Variants in MICAL3 observed in about 807,000 individuals in gnomAD.
MICAL3 encodes microtubule associated monooxygenase, calponin and LIM domain containing 3, also known as [F-actin]-monooxygenase MICAL3.
MICAL3 carries 62 observed loss-of-function variants against 207.4 expected under a neutral mutation model. That is an observed-to-expected ratio of 0.30 (90% confidence interval 0.24 to 0.37). The LOEUF is 0.37. Ranked by LOEUF, MICAL3 falls within the 10% of genes least tolerant of loss-of-function variation. MICAL3 has a pLI of 1.00. For missense variants in MICAL3, 2,368 were observed against 2,635.6 expected, an observed-to-expected ratio of 0.90 and a Z score of 2.22; for synonymous variants, 1,077 against 1,069.3, an observed-to-expected ratio of 1.01 and a Z score of -0.14.
At chr22:17,888,913 T>A in intron 13 of MICAL3, 121 bp downstream of exon 13, 1 of 641,288 alleles carries the variant, frequency 1.6e-6, no homozygotes, top group East Asian at 2.9e-5. Flanking sequence ...AGCTAACTGG[T>A]AAAAACACAG....
chr22:17,871,246 C>A (rs764750847), intron 17 of MICAL3, among the ~76,000 whole-genome samples: 19 of 152,208 alleles, frequency 1.2e-4, no homozygotes, highest in Non-Finnish European at 1.5e-4. Context: ...GGTCTTTTCA[C>A]TGTAAAAACT....
At chr22:17,916,838 A>T (rs1301141615) in intron 1 of MICAL3, among the ~76,000 whole-genome samples, 1 of 152,076 alleles carries the variant, frequency 6.6e-6, no homozygotes. Context: ...TTGAAACTAC[A>T]TCTCCTTCTA....
At chr22:17,830,953 G>A (rs1017873434) in intron 21 of MICAL3, among the ~76,000 whole-genome samples, 6 of 152,192 alleles carry the variant, frequency 3.9e-5, no homozygotes, top group African/African-American at 9.6e-5. Context: ...GTGTGCCAGA[G>A]AAAACAGACC....
intron 1 of MICAL3, among the ~76,000 whole-genome samples, chr22:17,969,330 C>T (rs1346871068): frequency 6.6e-6 from 1 of 152,236 alleles, no homozygotes; most frequent in Non-Finnish European, 1.5e-5. Flanking sequence ...TGAGCCACTG[C>T]ACCCGGCCAA....
intron 1 of MICAL3, among the ~76,000 whole-genome samples, chr22:17,977,477 G>T (rs1387304457): frequency 2.6e-5 from 4 of 151,566 alleles, no homozygotes; most frequent in African/African-American, 9.7e-5. Flanking sequence ...AACCATTAGG[G>T]AAATGCAAAT....
intron 1 of MICAL3, among the ~76,000 whole-genome samples, chr22:17,997,464 T>A (rs1457002121): frequency 2.0e-5 from 3 of 152,332 alleles, no homozygotes; most frequent in Non-Finnish European, 2.9e-5. Flanking sequence ...GCTAGATGAA[T>A]GCTTCTAGCA....
intron 1 of MICAL3, among the ~76,000 whole-genome samples, chr22:17,917,786 C>G (rs1050630223): frequency 6.6e-6 from 1 of 152,218 alleles, no homozygotes; most frequent in Non-Finnish European, 1.5e-5. Flanking sequence ...CTCACCTTAT[C>G]AGAGAGAGCT....
chr22:18,021,727 G>A (rs955866205), intron 1 of MICAL3, among the ~76,000 whole-genome samples: 3 of 152,186 alleles, frequency 2.0e-5, no homozygotes, highest in Non-Finnish European at 4.4e-5. Context: ...CCATGTGGGA[G>A]ACTGTGGCCA....
chr22:17,952,240 T>G (rs1934384123), intron 1 of MICAL3, among the ~76,000 whole-genome samples: 1 of 152,182 alleles, frequency 6.6e-6, no homozygotes, highest in Non-Finnish European at 1.5e-5. Context: ...CTAGAACAAG[T>G]AAGCACTGTT....
At chr22:17,822,646 C>A (rs969079754) in intron 23 of MICAL3, among the ~76,000 whole-genome samples, 1 of 152,312 alleles carries the variant, frequency 6.6e-6, no homozygotes, top group South Asian at 2.1e-4. Flanking sequence ...AACCAGACTG[C>A]GATGCAGAAC....
At chr22:17,875,084 T>C (rs2146177892) in intron 16 of MICAL3, 1 of 157,168 alleles carries the variant, frequency 6.4e-6, no homozygotes, top group South Asian at 2.0e-4. Context: ...AATTACATTG[T>C]GGTTCCTACT....
At chr22:17,959,038 T>C (rs1934772327) in intron 1 of MICAL3, among the ~76,000 whole-genome samples, 1 of 93,556 alleles carries the variant, frequency 1.1e-5, no homozygotes, top group Non-Finnish European at 2.0e-5. Flanking sequence ...TTTTTTGAGA[T>C]GGAGTCTCGC....
At chr22:17,926,932 T>C (rs1407510259) in intron 1 of MICAL3, among the ~76,000 whole-genome samples, 2 of 151,530 alleles carry the variant, frequency 1.3e-5, no homozygotes, top group Non-Finnish European at 2.9e-5. Flanking sequence ...TGTGTTAAGA[T>C]ATATATAACA....
At chr22:17,896,625 T>G in intron 8 of MICAL3, 99 bp downstream of exon 8, 1 of 1,284,604 alleles carries the variant, frequency 7.8e-7, no homozygotes, top group Non-Finnish European at 1.1e-6. Context: ...ACCTGTGCTG[T>G]ACAACACTGC....
At chr22:17,917,246 T>A (rs940809300) in intron 1 of MICAL3, among the ~76,000 whole-genome samples, 1 of 152,182 alleles carries the variant, frequency 6.6e-6, no homozygotes, top group Non-Finnish European at 1.5e-5. Context: ...TACCTGGATG[T>A]TTGACAGGCA....
intron 1 of MICAL3, among the ~76,000 whole-genome samples, chr22:17,976,886 A>C (rs1274779464): frequency 1.3e-5 from 2 of 150,728 alleles, no homozygotes; most frequent in Admixed American, 6.6e-5. Flanking sequence ...GGCTCACTGC[A>C]AGCTCCGCCT....
intron 1 of MICAL3, among the ~76,000 whole-genome samples, chr22:17,998,293 A>C (rs1006575183): frequency 1.2e-5 from 1 of 82,202 alleles, no homozygotes; most frequent in Non-Finnish European, 2.7e-5. Context: ...ACAGAGCAAG[A>C]GACTCCGTCT....
At chr22:17,814,726 C>T (rs886280727) in intron 27 of MICAL3, 1 of 152,202 alleles carries the variant, frequency 6.6e-6, no homozygotes, top group African/African-American at 2.4e-5. Context: ...GGTCATTCAT[C>T]CCCTAGCCTG....
At chr22:17,947,333 A>G (rs1273195114) in intron 1 of MICAL3, among the ~76,000 whole-genome samples, 1 of 152,248 alleles carries the variant, frequency 6.6e-6, no homozygotes, top group Non-Finnish European at 1.5e-5. Flanking sequence ...TGAAGAGGTA[A>G]CTGGGACAAG....
Sources: gnomAD v4.1 joint callset for allele counts (sites outside exome capture counted in the v4.1 genomes callset) on GRCh38, gnomAD v4.1.1 for gene constraint, MANE v1.5 for transcripts, NCBI Gene and HGNC (gene_info 2026-07-23, HGNC 2026-07-21) for gene names.